Variants in DYSF observed in about 807,000 individuals in gnomAD.
DYSF encodes the protein dysferlin, also known as dystrophy-associated fer-1-like 1.
DYSF carries 212 observed loss-of-function variants against 274.9 expected under a neutral mutation model. That is an observed-to-expected ratio of 0.77 (90% CI 0.69 to 0.86). The LOEUF is 0.86. DYSF is among the 40% of genes least tolerant of loss of function. DYSF has a pLI of 0.00. For missense variants in DYSF, 2,666 were observed against 2,783.2 expected, an observed-to-expected ratio of 0.96 and a Z score of 0.95; for synonymous variants, 1,091 against 1,078.7, an observed-to-expected ratio of 1.01 and a Z score of -0.22.
intron 40 of DYSF, among the ~76,000 whole-genome samples, chr2:71,618,411 T>TGGTGTGTGTGTGTGGTAGAGGTGG (rs2093983635): frequency 2.1e-4 from 1 of 4,718 alleles, no homozygotes; most frequent in Non-Finnish European, 4.1e-4. Flanking sequence ...GTGGTAGAGG[T>TGGTGTGTGTGTGTGGTAGAGGTGG]GGTGTGTGTG....
chr2:71,659,717 TGA>T (rs773043571), intron 44 of DYSF, among the ~76,000 whole-genome samples: 1 of 152,302 alleles, frequency 6.6e-6, no homozygotes, highest in East Asian at 1.9e-4. Context: ...AGTCATTGCC[TGA>T]GATGGAGAGG....
intron 51 of DYSF, among the ~76,000 whole-genome samples, chr2:71,670,320 G>C (rs558717277): frequency 7.9e-5 from 12 of 152,230 alleles, no homozygotes; most frequent in African/African-American, 2.9e-4. Flanking sequence ...TGAGTGGGTA[G>C]AGTAGGGACA....
intron 40 of DYSF, 118 bp from the exon 41 acceptor site, chr2:71,620,429 C>G (rs1479164425): frequency 9.3e-7 from 1 of 1,073,274 alleles, no homozygotes; most frequent in African/African-American, 1.6e-5. Flanking sequence ...AGCACATGTT[C>G]TCCCTGGAGG....
chr2:71,664,549 C>G, intron 46 of DYSF, 111 bp downstream of exon 46: 1 of 1,343,972 alleles, frequency 7.4e-7, no homozygotes, highest in Non-Finnish European at 1.0e-6. Context: ...GGGCTTAGCA[C>G]TTCCTAGGCA....
chr2:71,620,712 G>A (rs1352920461), intron 41 of DYSF, 103 bp downstream of exon 41: 2 of 1,260,074 alleles, frequency 1.6e-6, no homozygotes, highest in African/African-American at 3.0e-5. Context: ...AGGGAAGAAA[G>A]GAGGTATTTC....
chr2:71,466,653 A>G, upstream of DYSF: 1 of 1,316,416 alleles, frequency 7.6e-7, no homozygotes, highest in Non-Finnish European at 9.7e-7. Flanking sequence ...GGGTCCGCCC[A>G]GCGGGTGTCC....
At chr2:71,553,665 C>A in intron 20 of DYSF, 142 bp from the exon 21 acceptor site, 2 of 1,044,952 alleles carry the variant, frequency 1.9e-6, no homozygotes, top group Non-Finnish European at 2.8e-6. Context: ...TGAGCAGGTG[C>A]CTGTCTCTGT....
intron 7 of DYSF, 150 bp from the exon 8 acceptor site, chr2:71,515,473 C>A: frequency 8.7e-7 from 1 of 1,144,048 alleles, no homozygotes; most frequent in Middle Eastern, 2.1e-4. Context: ...TATGATAGTT[C>A]GTATAATGCT....
intron 30 of DYSF, among the ~76,000 whole-genome samples, chr2:71,577,523 C>T (rs1574120620): frequency 1.5e-5 from 1 of 68,020 alleles, no homozygotes; most frequent in Non-Finnish European, 3.3e-5. Context: ...TCTCATGCAG[C>T]CCCCCCACTC....
At chr2:71,607,563 G>C (rs1390715681) in intron 36 of DYSF, among the ~76,000 whole-genome samples, 1 of 152,224 alleles carries the variant, frequency 6.6e-6, no homozygotes, top group Non-Finnish European at 1.5e-5. Context: ...GGGCTGTTGG[G>C]AGAGGGTGTC....
chr2:71,590,085 G>A, intron 31 of DYSF, 126 bp from the exon 32 acceptor site: 1 of 897,406 alleles, frequency 1.1e-6, no homozygotes, highest in Non-Finnish European at 1.8e-6. Context: ...TGGCCTGTGT[G>A]GTTTCCCTCA....
At chr2:71,578,618 G>A (rs979006234) in intron 30 of DYSF, among the ~76,000 whole-genome samples, 1 of 152,186 alleles carries the variant, frequency 6.6e-6, no homozygotes, top group Non-Finnish European at 1.5e-5. Context: ...GAAGGATGTT[G>A]GGAGGCAGGC....
upstream of DYSF, among the ~76,000 whole-genome samples, chr2:71,465,065 G>A (rs80137915): frequency 0.034 from 5,124 of 152,202 alleles, 162 homozygotes; most frequent in African/African-American, 0.082. Flanking sequence ...TTGTGAAAAG[G>A]GAGAAATGAC....
chr2:71,528,957 C>T (rs534845022), intron 14 of DYSF, among the ~76,000 whole-genome samples: 1 of 152,178 alleles, frequency 6.6e-6, no homozygotes, highest in East Asian at 1.9e-4. Flanking sequence ...CTGTGCACCC[C>T]CCACAGGCTT....
At chr2:71,515,566 T>G in intron 7 of DYSF, 57 bp from the exon 8 acceptor site, 1 of 1,613,070 alleles carries the variant, frequency 6.2e-7, no homozygotes, top group South Asian at 1.1e-5. Context: ...GGGTGGATGG[T>G]GGGTGGTCCT....
At chr2:71,637,635 C>T (rs2094425171) in intron 41 of DYSF, among the ~76,000 whole-genome samples, 1 of 152,102 alleles carries the variant, frequency 6.6e-6, no homozygotes, top group African/African-American at 2.4e-5. Context: ...TTCATGGTTT[C>T]CTTCAGCCAC....
intron 40 of DYSF, among the ~76,000 whole-genome samples, chr2:71,617,436 G>A (rs2093909268): frequency 6.6e-6 from 1 of 152,242 alleles, no homozygotes; most frequent in African/African-American, 2.4e-5. Flanking sequence ...CTCTGAGGCG[G>A]GTGGGTGAAC....
intron 40 of DYSF, among the ~76,000 whole-genome samples, chr2:71,618,361 GGTAGAGGTGGCA>G (rs1558639341): frequency 5.2e-4 from 15 of 28,716 alleles, no homozygotes; most frequent in East Asian, 1.2e-3. Flanking sequence ...GTGTGTGTGT[GGTAGAGGTGGCA>G]TGTGTGGTAG....
chr2:71,572,368 C>T (rs2092544113), intron 29 of DYSF, among the ~76,000 whole-genome samples: 1 of 152,232 alleles, frequency 6.6e-6, no homozygotes, highest in Non-Finnish European at 1.5e-5. Flanking sequence ...TCACACCCAG[C>T]ACACCCACAG....
Sources: gnomAD v4.1 joint callset for allele counts (sites outside exome capture counted in the v4.1 genomes callset) on GRCh38, gnomAD v4.1.1 for gene constraint, MANE v1.5 for transcripts, NCBI Gene and HGNC (gene_info 2026-07-23, HGNC 2026-07-21) for gene names.